ZNF594: variants seen among roughly 807,000 people sequenced by gnomAD.
The protein encoded by ZNF594 is zinc finger protein 594.
For synonymous variants in ZNF594, 336 were observed against 309.4 expected, an observed-to-expected ratio of 1.09 and a Z score of -0.90; for missense variants, 1,037 against 964.6, an observed-to-expected ratio of 1.08 and a Z score of -0.99.
Position 5,181,267 on chromosome 17 carries a change from G to A in ZNF594, c.*566C>T. The A allele has an allele frequency of 5.6e-6, 9 of 1,612,564 alleles. No individual in the cohort carries two copies. Among genetic ancestry groups the A allele is most frequent in the Non-Finnish European group, 6.8e-6 (8 of 1,178,576 alleles). ...CCACTGTGAATTCTATGATGTCTCA[G>A]AAGGTCTGAGCTCTGATTGAAAGTT... On this transcript the variant is annotated 3_prime_UTR_variant, in exon 2 of 2. Transcript: ENST00000575779.
intron 1 of ZNF594, among the ~76,000 whole-genome samples, chr17:5,188,458 A>G (rs948045571): frequency 6.6e-6 from 1 of 152,122 alleles, no homozygotes; most frequent in Non-Finnish European, 1.5e-5. Flanking sequence ...AGTACTTTTT[A>G]ATAAAGAGCC....
At position 5,182,786 on chromosome 17, in the gene ZNF594, T is replaced by C; in HGVS notation, c.1471A>G (p.Thr491Ala). ...IHTGEKPYQC[T>A]ECGKAFRRRS... ...CGCCTGAAGGCTTTCCCACATTCAG[T>C]GCACTGATAGGGCTTCTCTCCAGTA... Residue 491 changes from threonine (T) to alanine (A), a missense_variant, in exon 2 of 2, where the codon ACT becomes GCT. By Grantham distance (58) the Thr-to-Ala change is moderately conservative (BLOSUM62 0). Coordinates refer to ENST00000575779, the MANE Select transcript of ZNF594 (RefSeq NM_032530.2). The C allele has an allele frequency of 6.2e-7, 1 of 1,614,172 alleles. No homozygotes were observed. Among genetic ancestry groups the C allele is most frequent in the Non-Finnish European group, 8.5e-7 (1 of 1,180,016 alleles).
intron 1 of ZNF594, chr17:5,191,324 TAGA>T (rs2074422618): frequency 6.6e-6 from 1 of 152,208 alleles, no homozygotes; most frequent in South Asian, 2.1e-4. Flanking sequence ...GACTGAGTAG[TAGA>T]ACATATATGA....
intron 1 of ZNF594, among the ~76,000 whole-genome samples, chr17:5,184,666 C>T (rs2074374827): frequency 6.6e-6 from 1 of 152,074 alleles, no homozygotes; most frequent in Non-Finnish European, 1.5e-5. Flanking sequence ...GCCACCAGGC[C>T]TCCCACAAGT....
Position 5,189,599 on chromosome 17 carries a change from A to G in ZNF594, c.-21+2149T>C, listed in dbSNP as rs183538357. On this transcript the variant is annotated intron_variant, in intron 1 of 1. Transcript: ENST00000575779. ...ACCCAGGCTGGAGTGCAGTGGTGCA[A>G]TCATAGCTCACTGCAACCTCAAACT... Among the ~76,000 whole-genome samples, 32 of 152,202 alleles carry G rather than the reference A, an allele frequency of 2.1e-4. No individual in the cohort carries two copies. In the East Asian group the frequency reaches 5.6e-3, roughly 27 times the overall value.
chr17:5,179,143 G>C (rs2074322631), downstream of ZNF594, among the ~76,000 whole-genome samples: 1 of 150,948 alleles, frequency 6.6e-6, no homozygotes, highest in African/African-American at 2.4e-5. Context: ...CTGGCGGGCT[G>C]CAGGGGCCGG....
chr17:5,182,303 A>G lies in ZNF594; in HGVS notation c.1954T>C (p.Tyr652His), dbSNP rs2074349217. The change falls in exon 2 of 2, where the codon TAT becomes CAT. Residue 652 changes from tyrosine to histidine, a missense_variant. By Grantham distance (83) the Tyr-to-His change is moderately conservative. Coordinates refer to ENST00000575779, the MANE Select transcript of ZNF594 (RefSeq NM_032530.2). ...HHRIHTGEKP[Y>H]ECSECGKAFS... ...GCTTTCCCACATTCACTACATTCAT[A>G]GGGTTTCTCTCCAGTATGAATACGA... is the stretch of plus-strand genomic sequence containing the variant. 2 of 1,613,240 alleles carry G rather than the reference A, an allele frequency of 1.2e-6. No individual in the cohort carries two copies. The highest frequency in any genetic ancestry group is 1.7e-6 in the Non-Finnish European group (2 of 1,179,880).
At chr17:5,188,979 C>T (rs544232043) in intron 1 of ZNF594, among the ~76,000 whole-genome samples, 2 of 151,796 alleles carry the variant, frequency 1.3e-5, no homozygotes, top group African/African-American at 4.8e-5. Flanking sequence ...GATCTCCTGA[C>T]CTCGTGATCT....
Position 5,183,516 on chromosome 17 carries a change from A to C in ZNF594, c.741T>G (p.Ala247=), listed in dbSNP as rs1336138057. 1 of 1,614,162 alleles carries C rather than the reference A, an allele frequency of 6.2e-7. No homozygotes were observed. Among genetic ancestry groups the C allele is most frequent in the Middle Eastern group, 1.6e-4 (1 of 6,062 alleles). The change falls in exon 2 of 2, where the codon GCT becomes GCG. Residue 247 remains alanine, a synonymous_variant. Coordinates refer to ENST00000575779, the MANE Select transcript of ZNF594 (RefSeq NM_032530.2). ...TAATAAGATCTGTGCTTTGACTGAA[A>C]GCCTTCCCACATTTATTGCATAAAT... ...KPYLCNKCGK[A]FSQSTDLIIH...
downstream of ZNF594, chr17:5,174,966 CAAATT>C (rs1187238068): frequency 5.3e-6 from 1 of 187,984 alleles, no homozygotes; most frequent in African/African-American, 2.3e-5. Context: ...ATTATCCAAA[CAAATT>C]AAATACTGTG....
chr17:5,183,870 A>G lies in ZNF594; in HGVS notation c.387T>C (p.Cys129=). Residue 129 remains cysteine, a synonymous_variant, in exon 2 of 2, where the codon TGT becomes TGC. Coordinates refer to ENST00000575779, the MANE Select transcript of ZNF594 (RefSeq NM_032530.2). The stretch of plus-strand genomic sequence containing the variant: ...TGTTGAAGGTTTTTTCACATTCCTT[A>G]CATTCATAGGTCTTATTTATATTAT... ...KIHNINKTYE[C]KECEKTFNRS... 3 of 1,613,546 alleles carry G rather than the reference A, an allele frequency of 1.9e-6. No homozygotes were observed. The highest frequency in any genetic ancestry group is 2.5e-6 in the Non-Finnish European group (3 of 1,179,902).
chr17:5,179,281 T>C (rs752687558), downstream of ZNF594, among the ~76,000 whole-genome samples: 8 of 147,110 alleles, frequency 5.4e-5, no homozygotes, highest in Non-Finnish European at 7.5e-5. Flanking sequence ...GCCGGAGACG[T>C]TGGCAGAATG....
chr17:5,177,805 T>C (rs2074316073), downstream of ZNF594, among the ~76,000 whole-genome samples: 1 of 151,990 alleles, frequency 6.6e-6, no homozygotes, highest in Non-Finnish European at 1.5e-5. Context: ...CACTGCACTC[T>C]AGCCTGGGAG....
rs2074342023 is a variant in ZNF594, at chr17:5,181,711, A to G, written c.*122T>C. On this transcript the variant is annotated 3_prime_UTR_variant, in exon 2 of 2. Transcript: ENST00000575779. Reference sequence around the variant, plus strand: ...GACCTCTGGCTAAAGACTTTCCCACATTCACTACATTCATGAGGTTTCTCT... The same window carrying G: ...GACCTCTGGCTAAAGACTTTCCCACGTTCACTACATTCATGAGGTTTCTCT... 1 of 1,582,508 alleles carries G rather than the reference A, an allele frequency of 6.3e-7. No individual in the cohort carries two copies. The highest frequency in any genetic ancestry group is 8.7e-7 in the Non-Finnish European group (1 of 1,151,468).
downstream of ZNF594, among the ~76,000 whole-genome samples, chr17:5,176,529 G>C (rs1050625340): frequency 6.6e-6 from 1 of 151,268 alleles, no homozygotes; most frequent in Non-Finnish European, 1.5e-5. Flanking sequence ...TTAAGTGCCA[G>C]TCTGTTTTTA....
rs767982370 is a variant in ZNF594, at chr17:5,182,025, C to T, written c.2232G>A (p.Lys744=). 6.2e-6 allele frequency: 10 copies of T among 1,613,576 alleles called. No individual in the cohort carries two copies. Among genetic ancestry groups the T allele is most frequent in the Non-Finnish European group, 8.5e-6 (10 of 1,180,030 alleles). ...KLEECEKTFS[K]DEELRKEQRT... is the part of the protein sequence containing the mutation. ...TCTGCTCTTTTCTAAGCTCCTCATC[C>T]TTGCTGAAGGTTTTCTCACATTCTT... is the stretch of plus-strand genomic sequence containing the variant. Residue 744 remains lysine (K), a synonymous_variant, in exon 2 of 2, where the codon AAG becomes AAA. Coordinates refer to ENST00000575779, the MANE Select transcript of ZNF594 (RefSeq NM_032530.2).
At chr17:5,178,776 T>C (rs539045196), downstream of ZNF594, among the ~76,000 whole-genome samples, 3 of 152,236 alleles carry the variant, frequency 2.0e-5, no homozygotes, top group Non-Finnish European at 4.4e-5. Context: ...AATCAATATA[T>C]AAAATCAATT....
rs1353132999 is a variant in ZNF594, at chr17:5,182,287, C to T, written c.1970G>A (p.Cys657Tyr). 2 of 1,613,588 alleles carry T rather than the reference C, an allele frequency of 1.2e-6. No individual in the cohort carries two copies. Among genetic ancestry groups the T allele is most frequent in the East Asian group, 2.2e-5 (1 of 44,840 alleles). ...TGEKPYECSECGKAFSQRSHL... is the reference protein window; with the variant it reads ...TGEKPYECSEYGKAFSQRSHL... ...TGACCTCTGGCTGAAGGCTTTCCCA[C>T]ATTCACTACATTCATAGGGTTTCTC... Residue 657 changes from cysteine (C) to tyrosine (Y), a missense_variant, in exon 2 of 2, where the codon TGT (cysteine) becomes TAT (tyrosine). Physicochemically the swap from Cys to Tyr is radical, Grantham distance 194. Coordinates refer to ENST00000575779, the MANE Select transcript of ZNF594 (RefSeq NM_032530.2).
chr17:5,184,369 T>A, intron 1 of ZNF594, 93 bp from the exon 2 acceptor site: 1 of 1,248,614 alleles, frequency 8.0e-7, no homozygotes, highest in Non-Finnish European at 1.1e-6. Context: ...AACAAAGAAC[T>A]CAGAAGACCT....
Sources: gnomAD v4.1 joint callset for allele counts (sites outside exome capture counted in the v4.1 genomes callset) on GRCh38, gnomAD v4.1.1 for gene constraint, MANE v1.5 for transcripts, NCBI Gene and HGNC (gene_info 2026-07-23, HGNC 2026-07-21) for gene names.